DCT: variants seen among roughly 807,000 people sequenced by gnomAD.
DCT encodes the protein dopachrome tautomerase, also known as L-dopachrome tautomerase.
Under a neutral mutation model 53.0 loss-of-function variants are expected in DCT, and 47 were observed. The observed-to-expected ratio is 0.89, with a 90% confidence interval of 0.70 to 1.13. The LOEUF (loss-of-function observed/expected upper bound fraction) is 1.13, where lower values mean the gene tolerates loss of function less well. Ranked by LOEUF, DCT falls within the 50% of genes most tolerant of loss-of-function variation. DCT has a pLI of 0.00. For missense variants in DCT, 669 were observed against 637.4 expected, an observed-to-expected ratio of 1.05 and a Z score of -0.53; for synonymous variants, 244 against 237.0, an observed-to-expected ratio of 1.03 and a Z score of -0.27.
chr13:94,541,651 T>C, the DCT span, among the ~76,000 whole-genome samples: 1 of 152,236 alleles, frequency 6.6e-6, no homozygotes, highest in South Asian at 2.1e-4. Flanking sequence ...CCACCTAATA[T>C]ATTTTGAAGT....
chr13:94,488,858 A>T, the DCT span, among the ~76,000 whole-genome samples: 1 of 134,994 alleles, frequency 7.4e-6, no homozygotes, highest in Admixed American at 7.3e-5. Context: ...ATATGTACAC[A>T]TACATACACA....
the DCT span, among the ~76,000 whole-genome samples, chr13:94,511,814 C>T: frequency 6.6e-6 from 1 of 151,126 alleles, no homozygotes; most frequent in Non-Finnish European, 1.5e-5. Context: ...ACCTCAATGC[C>T]CAGCATTGTC....
At position 94,478,230 on chromosome 13, in the gene DCT, T is replaced by G. The variant is rs1398591219; in HGVS notation, c.295+731A>C. ...CGACAATTTTGTCAAAGTTACAACC[T>G]GGTCATAAGCTTTAATGAGAAACAT... On this transcript the variant is annotated intron_variant, in intron 1 of 7. Coordinates refer to ENST00000377028, the MANE Select transcript of DCT (RefSeq NM_001922.5). Among the ~76,000 whole-genome samples, 5 of 132,598 alleles carry G rather than the reference T, an allele frequency of 3.8e-5. No homozygotes were observed. In the Admixed American group the frequency reaches 4.7e-4, roughly 13 times the overall value. 87.0% of individuals were successfully genotyped at this position (132,598 alleles called of 152,430 possible).
At position 94,439,833 on chromosome 13, in the gene DCT, C is replaced by A; in HGVS notation, c.*65G>T. 8.1e-7 allele frequency: 1 copy of A among 1,238,880 alleles called. No individual in the cohort carries two copies. The highest frequency in any genetic ancestry group is 1.4e-5 in the South Asian group (1 of 70,018). The allele number at this position is 1,238,880 out of a possible 1,614,324, so 76.7% of individuals were successfully genotyped here. The stretch of plus-strand genomic sequence containing the variant: ...CAAGAAGGAACAGTGAGGATTAGTT[C>A]CTTTATTGTCAGCGTCAGAACTGTG... On this transcript the variant is annotated 3_prime_UTR_variant, in exon 8 of 8. Transcript: ENST00000377028.
chr13:94,515,859 T>A, the DCT span, among the ~76,000 whole-genome samples: 3 of 152,144 alleles, frequency 2.0e-5, no homozygotes, highest in South Asian at 6.2e-4. Flanking sequence ...CCAAGGAAGG[T>A]GTTTGATACA....
At chr13:94,524,108 C>T in the DCT span, among the ~76,000 whole-genome samples, 1 of 152,244 alleles carries the variant, frequency 6.6e-6, no homozygotes, top group Middle Eastern at 3.4e-3. Flanking sequence ...CTGTTTCATC[C>T]CCAAAAAAGC....
At chr13:94,517,939 AC>A in the DCT span, among the ~76,000 whole-genome samples, 4 of 152,058 alleles carry the variant, frequency 2.6e-5, no homozygotes, top group African/African-American at 9.7e-5. Context: ...CACTGATTTC[AC>A]CCCATTGAAG....
chr13:94,488,102 T>C, the DCT span, among the ~76,000 whole-genome samples: 1 of 152,194 alleles, frequency 6.6e-6, no homozygotes, highest in Non-Finnish European at 1.5e-5. Context: ...TGCCCTCTAA[T>C]TCTTATTTTA....
the DCT span, among the ~76,000 whole-genome samples, chr13:94,547,984 A>AAAATATATATATATAT: frequency 1.5e-5 from 1 of 65,844 alleles, no homozygotes; most frequent in African/African-American, 1.3e-4. Context: ...AAAAAAAAAA[A>AAAATATATATATATAT]ATATATATAT....
At position 94,468,978 on chromosome 13, in the gene DCT, C is replaced by T; in HGVS notation, c.363G>A (p.Lys121=). 1 of 1,614,168 alleles carries T rather than the reference C, an allele frequency of 6.2e-7. No individual in the cohort carries two copies. Among genetic ancestry groups the T allele is most frequent in the Non-Finnish European group, 8.5e-7 (1 of 1,180,010 alleles). The part of the protein sequence containing the change: ...FGWTGPNCER[K]KPPVIRQNIH... ...TGTTCTGCCGAATCACTGGTGGTTT[C>T]TTCCGCTCGCAGTTGGGACCGGTCC... Residue 121 remains lysine, a synonymous_variant, in exon 2 of 8, where the codon AAG becomes AAA. Transcript: ENST00000377028.
rs141606540 is a variant in DCT, at chr13:94,463,651, G to A, written c.864-1462C>T. ...TCACTATGTTACTCAGGCTGGTCTC[G>A]AAGTCCTGGCCTCAAGTGATCCCCC... On this transcript the variant is annotated intron_variant, in intron 4 of 7. Transcript: ENST00000377028. 3.8e-3 allele frequency among the ~76,000 whole-genome samples: 584 copies of A among 152,258 alleles called. 2 individuals are homozygous for A. The highest frequency in any genetic ancestry group is 0.014 in the Middle Eastern group (4 of 294).
chr13:94,537,187 T>C, the DCT span, among the ~76,000 whole-genome samples: 1 of 152,254 alleles, frequency 6.6e-6, no homozygotes, highest in African/African-American at 2.4e-5. Context: ...CATGTATCTA[T>C]TTGTGCCAGA....
the DCT span, among the ~76,000 whole-genome samples, chr13:94,511,886 G>A: frequency 1.3e-5 from 2 of 151,472 alleles, no homozygotes; most frequent in South Asian, 4.2e-4. Flanking sequence ...TTTAAGAGAT[G>A]GGGGTCTTGC....
chr13:94,510,411 T>C, the DCT span, among the ~76,000 whole-genome samples: 1 of 127,694 alleles, frequency 7.8e-6, no homozygotes, highest in Non-Finnish European at 1.6e-5. Flanking sequence ...AGCACTTGCA[T>C]TGTGGTGAGT....
At chr13:94,446,095 G>A (rs575258508) in intron 6 of DCT, among the ~76,000 whole-genome samples, 4 of 152,288 alleles carry the variant, frequency 2.6e-5, no homozygotes, top group African/African-American at 7.2e-5. Context: ...GTGGTGAAAC[G>A]GGGATAGTGA....
At chr13:94,537,476 A>G in the DCT span, among the ~76,000 whole-genome samples, 6 of 152,358 alleles carry the variant, frequency 3.9e-5, no homozygotes, top group East Asian at 1.2e-3. Flanking sequence ...GGCCGTTCCT[A>G]AACTGCCTAA....
chr13:94,453,196 T>C (rs1273008077), intron 6 of DCT, among the ~76,000 whole-genome samples: 1 of 152,148 alleles, frequency 6.6e-6, no homozygotes, highest in Non-Finnish European at 1.5e-5. Context: ...TATGCAAATA[T>C]AATGCCATTT....
chr13:94,527,458 G>A, the DCT span, among the ~76,000 whole-genome samples: 53 of 152,284 alleles, frequency 3.5e-4, no homozygotes, highest in African/African-American at 1.2e-3. Flanking sequence ...AATATTTGCT[G>A]TTCTGCAGCC....
At chr13:94,496,157 G>T in the DCT span, among the ~76,000 whole-genome samples, 1 of 152,132 alleles carries the variant, frequency 6.6e-6, no homozygotes, top group African/African-American at 2.4e-5. Flanking sequence ...ATTAAGAGCT[G>T]TAGTCTATAC....
Sources: gnomAD v4.1 joint callset for allele counts (sites outside exome capture counted in the v4.1 genomes callset) on GRCh38, gnomAD v4.1.1 for gene constraint, MANE v1.5 for transcripts, NCBI Gene and HGNC (gene_info 2026-07-23, HGNC 2026-07-21) for gene names.